Variants in ABCA12 observed in about 807,000 individuals in gnomAD.
ABCA12 encodes ATP binding cassette subfamily A member 12, also known as glucosylceramide transporter ABCA12.
A neutral mutation model predicts 293.5 loss-of-function variants in ABCA12; 156 were observed. The observed-to-expected ratio is 0.53, with a 90% CI of 0.47 to 0.61. The LOEUF is 0.61. Ranked by LOEUF, ABCA12 falls within the 20% of genes least tolerant of loss-of-function variation. The probability of loss-of-function intolerance (pLI) is 0.00; values close to 1 mark genes in which losing one functional copy is unlikely to be tolerated. For missense variants in ABCA12, 2,797 were observed against 3,090.2 expected, an observed-to-expected ratio of 0.91 and a Z score of 2.25; for synonymous variants, 1,063 against 1,108.0, an observed-to-expected ratio of 0.96 and a Z score of 0.81.
chr2:215,037,091 C>G (rs776075217), intron 7 of ABCA12, 26 bp from the exon 8 acceptor site: 1 of 1,589,524 alleles, frequency 6.3e-7, no homozygotes, highest in East Asian at 2.2e-5. Context: ...GCAATTAAAC[C>G]AGATTCTGTT....
In ABCA12 at chr2:215,010,393, T is replaced by C; in HGVS notation, c.2410A>G (p.Met804Val). 1.9e-6 allele frequency: 3 copies of C among 1,613,834 alleles called. No homozygotes were observed. The highest frequency in any genetic ancestry group is 1.7e-5 in the Admixed American group (1 of 60,008). Residue 804 changes from methionine to valine, a missense_variant, in exon 18 of 53, where the codon ATG becomes GTG. Met to Val is a conservative substitution (Grantham distance 21). Coordinates refer to ENST00000272895, the MANE Select transcript of ABCA12 (RefSeq NM_173076.3). Reference sequence around the variant, plus strand: ...GCATACAAAATTCTTCCCAACAACATAGGTTTCAAGAAAGCCCAAATCACA... The same window carrying C: ...GCATACAAAATTCTTCCCAACAACACAGGTTTCAAGAAAGCCCAAATCACA... ...GPVIWAFLKP[M>V]LLGRILYAPY...
chr2:214,945,017 T>A lies in ABCA12; in HGVS notation c.7327A>T (p.Ile2443Phe). 1.9e-6 allele frequency: 3 copies of A among 1,613,624 alleles called. No individual in the cohort carries two copies. The highest frequency in any genetic ancestry group is 2.5e-6 in the Non-Finnish European group (3 of 1,179,790). The change falls in exon 49 of 53, where the codon ATC becomes TTC. Residue 2443 changes from isoleucine to phenylalanine, a missense_variant. By Grantham distance (21) the Ile-to-Phe change is conservative. Coordinates refer to ENST00000272895, the MANE Select transcript of ABCA12 (RefSeq NM_173076.3). ...TCAGTTTACCTGTGAGATGTGAGGA[T>A]GACGGAACATTTGTTCTGTACTTCT... ...SEEVQNKCSV[I>F]LTSHSMEECE... is the part of the protein sequence containing the mutation.
At chr2:215,130,667 T>C (rs531567264) in intron 1 of ABCA12, among the ~76,000 whole-genome samples, 2 of 152,064 alleles carry the variant, frequency 1.3e-5, no homozygotes, top group African/African-American at 2.4e-5. Context: ...TCATGGCATA[T>C]ACCTGTTCAT....
At chr2:215,103,493 C>T (rs1362008711) in intron 2 of ABCA12, among the ~76,000 whole-genome samples, 4 of 151,988 alleles carry the variant, frequency 2.6e-5, no homozygotes, top group Non-Finnish European at 1.5e-5. Context: ...TGGTCTCGAA[C>T]TCCTGACCTC....
Position 214,980,617 on chromosome 2 carries a change from G to A in ABCA12, c.4606C>T (p.His1536Tyr). ...TARTIILSTH[H>Y]LDEAEVLSDR... The stretch of plus-strand genomic sequence containing the variant: ...CTCAGCACTTCAGCCTCGTCCAAGT[G>A]GTGCGTTGACAGAATGATTGTTCTG... Residue 1536 changes from histidine to tyrosine, a missense_variant, in exon 31 of 53, where the codon CAC becomes TAC. By Grantham distance (83) the His-to-Tyr change is moderately conservative. This residue lies in a region of ABCA12 where 2,130 missense variants were observed against 2,427.0 expected (regional missense o/e 0.88). Coordinates refer to ENST00000272895, the MANE Select transcript of ABCA12 (RefSeq NM_173076.3). 1 of 1,614,040 alleles carries A rather than the reference G, an allele frequency of 6.2e-7. No individual in the cohort carries two copies. Among genetic ancestry groups the A allele is most frequent in the Non-Finnish European group, 8.5e-7 (1 of 1,179,966 alleles).
intron 24 of ABCA12, 78 bp downstream of exon 24, chr2:214,990,624 T>G: frequency 2.1e-6 from 3 of 1,444,132 alleles, no homozygotes; most frequent in Non-Finnish European, 1.9e-6. Context: ...GAACTTTCAG[T>G]CTGAGAATCC....
At chr2:215,066,374 G>C (rs1701640500) in intron 2 of ABCA12, among the ~76,000 whole-genome samples, 1 of 152,074 alleles carries the variant, frequency 6.6e-6, no homozygotes, top group African/African-American at 2.4e-5. Flanking sequence ...TCAGCATGAT[G>C]GCGTGGCTGA....
At chr2:215,118,396 C>T (rs946988054) in intron 1 of ABCA12, among the ~76,000 whole-genome samples, 3 of 151,160 alleles carry the variant, frequency 2.0e-5, no homozygotes, top group Non-Finnish European at 4.4e-5. Context: ...AGTGAGACTC[C>T]GTCTCAAAAA....
chr2:215,117,039 T>C (rs983178986), intron 1 of ABCA12, among the ~76,000 whole-genome samples: 2 of 152,226 alleles, frequency 1.3e-5, no homozygotes, highest in Non-Finnish European at 2.9e-5. Context: ...GGTATTGAGC[T>C]ATGTTTACTT....
chr2:215,004,221 T>C lies in ABCA12; in HGVS notation c.2671A>G (p.Ile891Val), dbSNP rs1700205283. Residue 891 changes from isoleucine (I) to valine (V), a missense_variant, in exon 20 of 53, where the codon ATA (isoleucine) becomes GTA (valine). Coordinates refer to ENST00000272895, the MANE Select transcript of ABCA12 (RefSeq NM_173076.3). ...AATTTGGACTCACCGAGTTCATCTA[T>C]CTGTTTCAATAGTTCAACAGCATCG... is the stretch of plus-strand genomic sequence containing the variant. Reference protein sequence around the residue: ...GLDAVELLKQIDELDILRLKL... With the variant: ...GLDAVELLKQVDELDILRLKL... 6.2e-7 allele frequency: 1 copy of C among 1,613,840 alleles called. No individual in the cohort carries two copies. The highest frequency in any genetic ancestry group is 8.5e-7 in the Non-Finnish European group (1 of 1,179,846).
rs758200016 is a variant in ABCA12 at position 214,978,778 on chromosome 2, G to GA, written c.4977+25dup. The GA allele has an allele frequency of 2.7e-5, 43 of 1,604,252 alleles. No homozygotes were observed. In the African/African-American group the frequency reaches 2.8e-4, roughly 10 times the overall value. Reference sequence around the variant, plus strand: ...GAACAGCAAGTTATATCAGCTTGAAGAAAAAAAAGAAATATTGAGGTATAC... The same window carrying GA: ...GAACAGCAAGTTATATCAGCTTGAAGAAAAAAAAAGAAATATTGAGGTATAC... On this transcript the variant is annotated intron_variant, in intron 32 of 52. Coordinates refer to ENST00000272895, the MANE Select transcript of ABCA12 (RefSeq NM_173076.3).
chr2:215,129,921 G>A (rs532793281), intron 1 of ABCA12, among the ~76,000 whole-genome samples: 1 of 152,166 alleles, frequency 6.6e-6, no homozygotes, highest in African/African-American at 2.4e-5. Context: ...GAGAAATAGG[G>A]ATCCAGTTTC....
chr2:215,119,021 G>T (rs1266363736), intron 1 of ABCA12, among the ~76,000 whole-genome samples: 1 of 152,058 alleles, frequency 6.6e-6, no homozygotes, highest in African/African-American at 2.4e-5. Flanking sequence ...TGTTGCCCAG[G>T]GTAGAGTGGT....
Position 215,012,089 on chromosome 2 carries a change from T to G in ABCA12, c.2003A>C (p.Glu668Ala). The G allele has an allele frequency of 6.2e-7, 1 of 1,613,942 alleles. No homozygotes were observed. Among genetic ancestry groups the G allele is most frequent in the Non-Finnish European group, 8.5e-7 (1 of 1,179,876 alleles). Residue 668 changes from glutamate to alanine, a missense_variant, in exon 16 of 53, where the codon GAG (glutamate) becomes GCG (alanine). Glu to Ala is a moderately radical substitution (Grantham distance 107). Coordinates refer to ENST00000272895, the MANE Select transcript of ABCA12 (RefSeq NM_173076.3). ...KDQKPVEKMM[E>A]LFIRLKEILN... is the part of the protein sequence containing the mutation. ...AATCTCTTTTAGTCTTATGAAGAGC[T>G]CCATCATCTTTTCTACTGGCTTTTG... is the stretch of plus-strand genomic sequence containing the variant.
intron 2 of ABCA12, among the ~76,000 whole-genome samples, chr2:215,097,271 T>G (rs1702265680): frequency 6.6e-6 from 1 of 152,124 alleles, no homozygotes; most frequent in African/African-American, 2.4e-5. Flanking sequence ...AGGACATAGC[T>G]TAAGTCTTAT....
chr2:214,972,120 A>T (rs576847031), intron 36 of ABCA12, among the ~76,000 whole-genome samples: 131 of 152,236 alleles, frequency 8.6e-4, no homozygotes, highest in African/African-American at 2.9e-3. Flanking sequence ...GCAGTTCTTT[A>T]TACACACGTT....
intron 45 of ABCA12, among the ~76,000 whole-genome samples, chr2:214,950,086 T>C (rs960086533): frequency 6.6e-6 from 1 of 152,194 alleles, no homozygotes. Flanking sequence ...TGTGTTCTTA[T>C]TCCCTAAACA....
At chr2:215,029,282 A>T (rs1206431356) in intron 9 of ABCA12, 5 of 152,242 alleles carry the variant, frequency 3.3e-5, no homozygotes, top group Non-Finnish European at 5.9e-5. Flanking sequence ...CATAAGGAAA[A>T]GAGATGCAGG....
intron 31 of ABCA12, among the ~76,000 whole-genome samples, chr2:214,979,976 G>A (rs190854741): frequency 1.8e-4 from 28 of 152,276 alleles, no homozygotes; most frequent in Admixed American, 4.6e-4. Flanking sequence ...TAAAGGCACC[G>A]TTGACCTGTG....
Sources: gnomAD v4.1 joint callset for allele counts (sites outside exome capture counted in the v4.1 genomes callset) on GRCh38, gnomAD v4.1.1 for gene constraint, gnomAD v4.1.1 regional missense constraint, MANE v1.5 for transcripts, NCBI Gene and HGNC (gene_info 2026-07-23, HGNC 2026-07-21) for gene names.